Variants in REDIC1 observed in about 807,000 individuals in gnomAD.
REDIC1 encodes the protein HEI10 Interacting Protein 1.
the REDIC1 span, among the ~76,000 whole-genome samples, chr12:39,719,491 A>G: frequency 4.0e-5 from 6 of 151,804 alleles, no homozygotes; most frequent in Non-Finnish European, 8.8e-5. Flanking sequence ...GCGTGTGCCT[A>G]TGGTCCCAGT....
chr12:39,641,410 C>A, the REDIC1 span, among the ~76,000 whole-genome samples: 1 of 151,692 alleles, frequency 6.6e-6, no homozygotes, highest in African/African-American at 2.4e-5. Context: ...AGCAAAGAAA[C>A]CCTTGTACAT....
chr12:39,824,697 C>A, the REDIC1 span, among the ~76,000 whole-genome samples: 2 of 152,132 alleles, frequency 1.3e-5, no homozygotes, highest in African/African-American at 2.4e-5. Flanking sequence ...GTAGGACTTA[C>A]AGCTATCATT....
At chr12:39,866,589 C>T in the REDIC1 span, among the ~76,000 whole-genome samples, 1 of 152,104 alleles carries the variant, frequency 6.6e-6, no homozygotes, top group African/African-American at 2.4e-5. Flanking sequence ...ACGCCATTCT[C>T]CTGCCTCAGC....
the REDIC1 span, among the ~76,000 whole-genome samples, chr12:39,699,161 G>T: frequency 6.6e-6 from 1 of 152,200 alleles, no homozygotes; most frequent in African/African-American, 2.4e-5. Flanking sequence ...CAGAAGACGG[G>T]TGATTTCTGC....
At chr12:39,700,799 AG>A in the REDIC1 span, among the ~76,000 whole-genome samples, 1 of 152,126 alleles carries the variant, frequency 6.6e-6, no homozygotes, top group Non-Finnish European at 1.5e-5. Flanking sequence ...CTTAAAGAAA[AG>A]AATTTTCAAC....
At chr12:39,632,126 T>A in the REDIC1 span, among the ~76,000 whole-genome samples, 1 of 152,098 alleles carries the variant, frequency 6.6e-6, no homozygotes, top group Non-Finnish European at 1.5e-5. Context: ...AGATGGAATC[T>A]CTCTCTGTTG....
chr12:39,713,015 GTGTATATACGTGTATATGTA>G, the REDIC1 span, among the ~76,000 whole-genome samples: 6 of 137,174 alleles, frequency 4.4e-5, no homozygotes, highest in African/African-American at 5.8e-5. Context: ...ATATATACAT[GTGTATATACGTGTATATGTA>G]TATATACATG....
At chr12:39,712,216 A>G in the REDIC1 span, among the ~76,000 whole-genome samples, 13 of 11,744 alleles carry the variant, frequency 1.1e-3, no homozygotes, top group Non-Finnish European at 2.1e-3. Context: ...ATATGTATAT[A>G]TACATGTATA....
chr12:39,749,482 A>G, the REDIC1 span, among the ~76,000 whole-genome samples: 1 of 152,210 alleles, frequency 6.6e-6, no homozygotes, highest in African/African-American at 2.4e-5. Context: ...GTCGAATTCT[A>G]CCAGAGGTAC....
At chr12:39,716,415 C>T in the REDIC1 span, among the ~76,000 whole-genome samples, 602 of 151,738 alleles carry the variant, frequency 4.0e-3, 4 homozygotes, top group African/African-American at 0.014. Context: ...TTGGTTTTCT[C>T]TTCCTTCCCT....
chr12:39,873,179 T>C, the REDIC1 span, among the ~76,000 whole-genome samples: 1 of 152,160 alleles, frequency 6.6e-6, no homozygotes, highest in African/African-American at 2.4e-5. Flanking sequence ...ACCTATAAAT[T>C]AACTATGTAG....
At chr12:39,713,520 A>C in the REDIC1 span, among the ~76,000 whole-genome samples, 1 of 149,708 alleles carries the variant, frequency 6.7e-6, no homozygotes, top group African/African-American at 2.4e-5. Context: ...ACATGCGTGC[A>C]TACATGTGTA....
chr12:39,684,150 T>C, the REDIC1 span: 1 of 1,012,262 alleles, frequency 9.9e-7, no homozygotes, highest in South Asian at 3.7e-5. Context: ...GAGTTTAAGG[T>C]GATTTTTACA....
At chr12:39,881,929 C>G in the REDIC1 span, among the ~76,000 whole-genome samples, 4 of 152,164 alleles carry the variant, frequency 2.6e-5, no homozygotes, top group South Asian at 8.3e-4. Context: ...GTGACAGTGG[C>G]ATCAACATGG....
chr12:39,699,880 G>A, the REDIC1 span, among the ~76,000 whole-genome samples: 94 of 152,134 alleles, frequency 6.2e-4, no homozygotes, highest in Non-Finnish European at 1.6e-4. Flanking sequence ...GCAGCTGAGG[G>A]TCCTGTCTGT....
At chr12:39,713,711 G>T in the REDIC1 span, among the ~76,000 whole-genome samples, 3 of 144,956 alleles carry the variant, frequency 2.1e-5, no homozygotes, top group Non-Finnish European at 4.5e-5. Flanking sequence ...ACATATTTAT[G>T]TATGCCTGTA....
the REDIC1 span, among the ~76,000 whole-genome samples, chr12:39,862,279 G>T: frequency 6.6e-6 from 1 of 152,148 alleles, no homozygotes; most frequent in Non-Finnish European, 1.5e-5. Context: ...CAATATTTTT[G>T]GCCTGGTATG....
chr12:39,818,356 A>G, the REDIC1 span, among the ~76,000 whole-genome samples: 1 of 152,202 alleles, frequency 6.6e-6, no homozygotes, highest in Non-Finnish European at 1.5e-5. Context: ...TTAAAGAAGC[A>G]AAGTAATAAT....
the REDIC1 span, among the ~76,000 whole-genome samples, chr12:39,847,282 C>A: frequency 1.1e-5 from 1 of 93,754 alleles, no homozygotes; most frequent in Non-Finnish European, 2.2e-5. Flanking sequence ...GTGGCCTATC[C>A]CTACATTCAT....
Sources: gnomAD v4.1 joint callset for allele counts (sites outside exome capture counted in the v4.1 genomes callset) on GRCh38, gnomAD v4.1.1 for gene constraint, MANE v1.5 for transcripts, NCBI Gene and HGNC (gene_info 2026-07-23, HGNC 2026-07-21) for gene names.